Variants in GINS1 observed in about 807,000 individuals in gnomAD.
GINS1 encodes DNA replication complex GINS protein PSF1.
GINS1 carries 26 observed loss-of-function variants against 34.9 expected under a neutral mutation model. The observed-to-expected ratio is 0.74, with a 90% CI of 0.55 to 1.03. The LOEUF is 1.03. Ranked by LOEUF, GINS1 falls within the 50% of genes least tolerant of loss-of-function variation. The pLI is 0.00. For synonymous variants in GINS1, 97 were observed against 84.4 expected (o/e 1.15, Z -0.82); for missense variants, 235 against 237.9 (o/e 0.99, Z 0.08).
At chr20:25,413,930 G>A (rs144778615) in intron 2 of GINS1, 76 bp downstream of exon 2, 3 of 838,648 alleles carry the variant, frequency 3.6e-6, no homozygotes, top group East Asian at 2.5e-5. Context: ...GGTGGCTCAC[G>A]CCTGTAATCC....
At chr20:25,432,380 G>T (rs2090432059) in intron 5 of GINS1, among the ~76,000 whole-genome samples, 1 of 150,988 alleles carries the variant, frequency 6.6e-6, no homozygotes, top group South Asian at 2.1e-4. Context: ...TCGGCTCACT[G>T]CAACCTCCGC....
intron 1 of GINS1, among the ~76,000 whole-genome samples, chr20:25,408,530 A>G (rs954315181): frequency 6.6e-6 from 1 of 152,090 alleles, no homozygotes; most frequent in African/African-American, 2.4e-5. Flanking sequence ...GAGAGTGCTA[A>G]GCACTTCATG....
chr20:25,439,614 G>T (rs932246996), intron 5 of GINS1, among the ~76,000 whole-genome samples: 3 of 152,136 alleles, frequency 2.0e-5, no homozygotes, highest in Non-Finnish European at 4.4e-5. Context: ...GGCTTTGTTG[G>T]ATTCTGATTT....
chr20:25,433,707 A>G (rs989228469), intron 5 of GINS1, among the ~76,000 whole-genome samples: 4 of 152,184 alleles, frequency 2.6e-5, no homozygotes, highest in Non-Finnish European at 4.4e-5. Flanking sequence ...TCTTAAAATT[A>G]TAACACTTTA....
At position 25,417,104 on chromosome 20, in the gene GINS1, G is replaced by T; in HGVS notation, c.141G>T (p.Val47=). 1 of 1,477,050 alleles carries T rather than the reference G, an allele frequency of 6.8e-7. No individual in the cohort carries two copies. The highest frequency in any genetic ancestry group is 9.4e-7 in the Non-Finnish European group (1 of 1,059,746). The allele number at this position is 1,477,050 out of a possible 1,614,324, so 91.5% of individuals were successfully genotyped here. A position where few individuals can be genotyped will look rare whatever the true frequency, so the allele number is the denominator to read the frequency against. Residue 47 remains valine (V), a splice_region_variant and synonymous_variant, in exon 3 of 7, where the codon GTG becomes GTT. Transcript: ENST00000262460. ...KALYEQNQSD[V]NEAKSGGRSD... ...TTTTCTTTTTAAATGCTCCTATCAG[G>T]AATGAAGCAAAGTCAGGTGGACGAA... is the stretch of plus-strand genomic sequence containing the variant.
intron 5 of GINS1, among the ~76,000 whole-genome samples, chr20:25,434,365 T>C (rs1225047509): frequency 1.3e-5 from 2 of 152,132 alleles, no homozygotes; most frequent in Admixed American, 6.5e-5. Context: ...GAATTTTCCA[T>C]GTATTCACTG....
intron 2 of GINS1, 109 bp downstream of exon 2, chr20:25,413,963 G>A (rs374745921): frequency 7.5e-6 from 5 of 664,588 alleles, no homozygotes; most frequent in Admixed American, 4.2e-5. Flanking sequence ...AGGCTGAGGC[G>A]GGCGGATTAC....
intron 5 of GINS1, among the ~76,000 whole-genome samples, chr20:25,426,759 A>T (rs2090393519): frequency 6.6e-6 from 1 of 151,944 alleles, no homozygotes; most frequent in African/African-American, 2.4e-5. Context: ...TCCCGAGCTC[A>T]GGTGATCCTC....
In GINS1 at chr20:25,441,702, G is replaced by A; in HGVS notation, c.448G>A (p.Val150Ile). ...AAACATCTCTCATTTTTTCTTTCAGGTCCGGTGTCTAAAAGACTATGGAGA... is the reference window on the plus strand; with the variant it reads ...AAACATCTCTCATTTTTTCTTTCAGATCCGGTGTCTAAAAGACTATGGAGA... ...MKPPKSLYIEVRCLKDYGEFE... is the reference protein window; with the variant it reads ...MKPPKSLYIEIRCLKDYGEFE... Residue 150 changes from valine (V) to isoleucine (I), a missense_variant and splice_region_variant, in exon 6 of 7, where the codon GTC (valine) becomes ATC (isoleucine). Physicochemically the swap from Val to Ile is conservative, Grantham distance 29. Transcript: ENST00000262460. 1 of 1,506,310 alleles carries A rather than the reference G, an allele frequency of 6.6e-7. No homozygotes were observed. Among genetic ancestry groups the A allele is most frequent in the African/African-American group, 1.4e-5 (1 of 71,232 alleles). The allele number at this position is 1,506,310 out of a possible 1,614,324, so 93.3% of individuals were successfully genotyped here.
chr20:25,412,454 C>G (rs1203815212), intron 1 of GINS1, among the ~76,000 whole-genome samples: 1 of 151,864 alleles, frequency 6.6e-6, no homozygotes, highest in African/African-American at 2.4e-5. Flanking sequence ...ACTCGGGAGG[C>G]TGAGACAGGA....
chr20:25,445,698 G>C (rs2090508357), intron 6 of GINS1, among the ~76,000 whole-genome samples: 1 of 152,030 alleles, frequency 6.6e-6, no homozygotes, highest in South Asian at 2.1e-4. Context: ...GGTTAGGCTG[G>C]TCTTGAACCC....
chr20:25,410,577 T>C (rs2090278000), intron 1 of GINS1, among the ~76,000 whole-genome samples: 1 of 151,806 alleles, frequency 6.6e-6, no homozygotes, highest in Non-Finnish European at 1.5e-5. Flanking sequence ...TTTTATTGTT[T>C]TGAGATGGGA....
At chr20:25,439,201 A>G (rs1600943514) in intron 5 of GINS1, among the ~76,000 whole-genome samples, 2 of 152,300 alleles carry the variant, frequency 1.3e-5, no homozygotes, top group South Asian at 4.1e-4. Flanking sequence ...CAACATCCAA[A>G]AAGAGACAGC....
chr20:25,413,655 T>C, intron 1 of GINS1, 135 bp from the exon 2 acceptor site: 1 of 642,624 alleles, frequency 1.6e-6, no homozygotes, highest in Non-Finnish European at 2.9e-6. Flanking sequence ...GTTATAACCA[T>C]GCTAGTGGGG....
intron 1 of GINS1, chr20:25,411,152 G>C (rs1311373627): frequency 6.6e-6 from 1 of 152,218 alleles, no homozygotes; most frequent in Non-Finnish European, 1.5e-5. Context: ...GCACACACCT[G>C]TAGTCCCAGC....
intron 4 of GINS1, among the ~76,000 whole-genome samples, chr20:25,423,595 A>G (rs952520285): frequency 1.5e-5 from 2 of 131,646 alleles, no homozygotes; most frequent in Non-Finnish European, 3.1e-5. Flanking sequence ...CAGCCTCCCA[A>G]GATATTTTTC....
chr20:25,426,105 G>A (rs1364445406), intron 5 of GINS1, among the ~76,000 whole-genome samples: 1 of 151,948 alleles, frequency 6.6e-6, no homozygotes, highest in Non-Finnish European at 1.5e-5. Flanking sequence ...CCTCATGTGA[G>A]TGGAATCATA....
intron 4 of GINS1, among the ~76,000 whole-genome samples, chr20:25,423,533 A>G (rs868107033): frequency 7.7e-5 from 9 of 117,572 alleles, no homozygotes; most frequent in African/African-American, 2.7e-4. Context: ...CAGTGGCTCA[A>G]TCTTGGCTCA....
At chr20:25,419,039 A>T (rs1242264723) in intron 4 of GINS1, among the ~76,000 whole-genome samples, 1 of 152,234 alleles carries the variant, frequency 6.6e-6, no homozygotes, top group African/African-American at 2.4e-5. Context: ...ATAAATAACA[A>T]GACACTCCTA....
Sources: allele counts gnomAD v4.1 joint callset (sites outside exome capture counted in the v4.1 genomes callset), GRCh38; gene constraint gnomAD v4.1.1; transcripts MANE v1.5; gene names NCBI Gene and HGNC (gene_info 2026-07-23, HGNC 2026-07-21).